ELF5: variants seen among roughly 807,000 people sequenced by gnomAD.
The protein encoded by ELF5 is E74 like ETS transcription factor 5.
A neutral mutation model predicts 38.2 loss-of-function variants in ELF5; 31 were observed. That is an observed-to-expected ratio of 0.81 (90% CI 0.61 to 1.10). The LOEUF is 1.10. ELF5 is among the 50% of genes least tolerant of loss of function. The probability of loss-of-function intolerance (pLI) is 0.00; values close to 1 mark genes in which losing one functional copy is unlikely to be tolerated. For synonymous variants in ELF5, 121 were observed against 112.5 expected (o/e 1.08, Z -0.48); for missense variants, 300 against 306.6 (o/e 0.98, Z 0.16).
chr11:34,482,425 A>G lies in ELF5; in HGVS notation c.475+6T>C. On this transcript the variant is annotated splice_donor_region_variant and intron_variant, in intron 5 of 6. Coordinates refer to ENST00000257832, the MANE Select transcript of ELF5 (RefSeq NM_001422.4). ...ATTAGAATGAAAACTGGCATCCTGC[A>G]CTTACTTGTTCTACTATGACTGTGA... is the stretch of plus-strand genomic sequence containing the variant. The G allele has an allele frequency of 3.1e-6, 5 of 1,613,008 alleles. No homozygotes were observed. Among genetic ancestry groups the G allele is most frequent in the Non-Finnish European group, 3.4e-6 (4 of 1,179,392 alleles).
intron 1 of ELF5, among the ~76,000 whole-genome samples, chr11:34,508,922 T>C (rs895093519): frequency 2.0e-5 from 3 of 152,214 alleles, no homozygotes; most frequent in African/African-American, 7.2e-5. Flanking sequence ...GGCACACTTA[T>C]ATAGCAAATC....
chr11:34,481,271 G>A (rs1441705074), intron 5 of ELF5, among the ~76,000 whole-genome samples: 3 of 152,054 alleles, frequency 2.0e-5, no homozygotes, highest in Non-Finnish European at 4.4e-5. Context: ...TGTTGTACCC[G>A]CCTCAGCTTC....
At chr11:34,495,869 T>C (rs1228708639) in intron 2 of ELF5, among the ~76,000 whole-genome samples, 1 of 152,308 alleles carries the variant, frequency 6.6e-6, no homozygotes, top group South Asian at 2.1e-4. Flanking sequence ...TGAGCTTTCA[T>C]CTACTGATTT....
At chr11:34,498,456 A>G (rs1030955095) in intron 2 of ELF5, among the ~76,000 whole-genome samples, 26 of 152,258 alleles carry the variant, frequency 1.7e-4, no homozygotes, top group Non-Finnish European at 2.9e-4. Flanking sequence ...AAGCTTAGAA[A>G]CCAAACCTAG....
intron 1 of ELF5, chr11:34,511,775 A>T (rs1850765710): frequency 1.7e-6 from 1 of 594,296 alleles, no homozygotes; most frequent in Non-Finnish European, 3.0e-6. Context: ...TCCCAGAGAG[A>T]GGGGAAGGAG....
chr11:34,497,793 C>T (rs144177198), intron 2 of ELF5, among the ~76,000 whole-genome samples: 22 of 152,304 alleles, frequency 1.4e-4, no homozygotes, highest in African/African-American at 4.8e-4. Context: ...CAAAACACCA[C>T]GGGAAGCCCA....
At chr11:34,485,363 C>T (rs1849962665) in intron 4 of ELF5, among the ~76,000 whole-genome samples, 1 of 152,214 alleles carries the variant, frequency 6.6e-6, no homozygotes. Context: ...CAACCTTCCC[C>T]ACCCTTATGA....
At chr11:34,486,324 T>A (rs1417496418) in intron 4 of ELF5, among the ~76,000 whole-genome samples, 1 of 150,936 alleles carries the variant, frequency 6.6e-6, no homozygotes, top group Non-Finnish European at 1.5e-5. Context: ...GGGTGGGGAG[T>A]GGGACAGGTG....
At chr11:34,482,129 T>A (rs1368489326) in intron 5 of ELF5, among the ~76,000 whole-genome samples, 1 of 152,218 alleles carries the variant, frequency 6.6e-6, no homozygotes, top group East Asian at 1.9e-4. Flanking sequence ...CCAAAGCTAA[T>A]GTTCACAACT....
At chr11:34,503,541 C>T (rs568245278) in intron 2 of ELF5, among the ~76,000 whole-genome samples, 12 of 146,352 alleles carry the variant, frequency 8.2e-5, no homozygotes, top group Admixed American at 2.0e-4. Flanking sequence ...CTCGGCCTTC[C>T]GGGCTCAAGG....
intron 3 of ELF5, among the ~76,000 whole-genome samples, chr11:34,491,204 G>A (rs2420387): frequency 0.1 from 15,850 of 152,168 alleles, 937 homozygotes; most frequent in East Asian, 0.26. Context: ...ATGAAAGGTA[G>A]TGCTATGGTA....
At chr11:34,510,867 T>C (rs1242995506) in intron 1 of ELF5, among the ~76,000 whole-genome samples, 1 of 152,184 alleles carries the variant, frequency 6.6e-6, no homozygotes, top group Non-Finnish European at 1.5e-5. Flanking sequence ...ATCCACCTAG[T>C]GTCAGCGCCA....
intron 1 of ELF5, among the ~76,000 whole-genome samples, chr11:34,510,584 G>A (rs1850727258): frequency 6.6e-6 from 1 of 152,140 alleles, no homozygotes; most frequent in Admixed American, 6.5e-5. Flanking sequence ...TAACACTGAG[G>A]CCCAGGGATA....
intron 2 of ELF5, among the ~76,000 whole-genome samples, chr11:34,497,770 G>A (rs1850352820): frequency 6.6e-6 from 1 of 152,152 alleles, no homozygotes; most frequent in Admixed American, 6.5e-5. Context: ...TGTGGCAACT[G>A]GCTTGGTTTT....
chr11:34,505,319 A>G (rs756899960), intron 2 of ELF5, among the ~76,000 whole-genome samples: 3 of 152,132 alleles, frequency 2.0e-5, no homozygotes, highest in Non-Finnish European at 2.9e-5. Flanking sequence ...TTTCTACTAC[A>G]TTGTTTAAAT....
At chr11:34,513,043 G>A (rs1850802228) in intron 1 of ELF5, among the ~76,000 whole-genome samples, 1 of 152,198 alleles carries the variant, frequency 6.6e-6, no homozygotes, top group African/African-American at 2.4e-5. Flanking sequence ...CTGTCAGCAG[G>A]GGGCAACCCC....
chr11:34,493,098 T>A, intron 3 of ELF5: 1 of 359,256 alleles, frequency 2.8e-6, no homozygotes, highest in Non-Finnish European at 5.1e-6. Flanking sequence ...AAAGGGAAGG[T>A]AGTCTATTTA....
chr11:34,497,808 A>G (rs1850353514), intron 2 of ELF5, among the ~76,000 whole-genome samples: 1 of 152,218 alleles, frequency 6.6e-6, no homozygotes, highest in African/African-American at 2.4e-5. Flanking sequence ...AGCCCAGTCA[A>G]AATGTCTTCA....
chr11:34,486,347 C>A (rs1053406106), intron 4 of ELF5, among the ~76,000 whole-genome samples: 3 of 151,980 alleles, frequency 2.0e-5, no homozygotes, highest in Non-Finnish European at 2.9e-5. Flanking sequence ...GAGAAGAGAC[C>A]AAGCAGAAAG....
Sources: gnomAD v4.1 joint callset for allele counts (sites outside exome capture counted in the v4.1 genomes callset) on GRCh38, gnomAD v4.1.1 for gene constraint, MANE v1.5 for transcripts, NCBI Gene and HGNC (gene_info 2026-07-23, HGNC 2026-07-21) for gene names.